Variants in MAOA observed in about 807,000 individuals in gnomAD.
MAOA encodes the protein monoamine oxidase A, also known as amine oxidase [flavin-containing] A.
MAOA carries 6 observed loss-of-function variants against 42.0 expected under a neutral mutation model. The ratio of observed to expected loss-of-function variants is 0.14; its 90% CI spans 0.08 to 0.28. The LOEUF is 0.28. Among genes scored for constraint, MAOA ranks in the 10% least tolerant of loss-of-function variants. The pLI is 1.00. For synonymous variants in MAOA, 140 were observed against 154.0 expected (o/e 0.91, Z 0.67); for missense variants, 262 against 422.3 (o/e 0.62, Z 3.33).
At chrX:43,695,028 C>T (rs945664171) in intron 3 of MAOA, among the ~76,000 whole-genome samples, 5 of 112,119 alleles carry the variant, frequency 4.5e-5, no homozygotes, top group Admixed American at 9.4e-5. Flanking sequence ...CCCCATTTTA[C>T]GTTTGAGAAA....
intron 1 of MAOA, among the ~76,000 whole-genome samples, chrX:43,669,613 C>T (rs2033312306): frequency 9.0e-6 from 1 of 110,764 alleles, no homozygotes; most frequent in African/African-American, 3.3e-5. Context: ...TTGATTAGTA[C>T]TTGCCCAATA....
chrX:43,671,661 G>A (rs1399740288), intron 1 of MAOA, among the ~76,000 whole-genome samples: 5 of 100,020 alleles, frequency 5.0e-5, no homozygotes, highest in East Asian at 3.1e-4. Context: ...TTCTACATAT[G>A]GCTAGCCAGT....
Position 43,746,737 on chromosome X carries a change from T to C in MAOA, c.*2224T>C, listed in dbSNP as rs2034001473. On this transcript the variant is annotated 3_prime_UTR_variant, in exon 15 of 15. Transcript: ENST00000338702. ...AGTGCTACACGTTGGAGTATACCTA[T>C]GTGTGTGCTTTGCCACTGAAGTAAG... The C allele has an allele frequency of 8.9e-6, 1 of 112,118 alleles. No homozygotes were observed. Among genetic ancestry groups the C allele is most frequent in the South Asian group, 3.7e-4 (1 of 2,700 alleles). 9.2% of individuals were successfully genotyped at this position (112,118 alleles called of 1,213,427 possible).
intron 1 of MAOA, among the ~76,000 whole-genome samples, chrX:43,677,935 A>G (rs1306698876): frequency 1.8e-5 from 2 of 111,852 alleles, no homozygotes; most frequent in Non-Finnish European, 3.8e-5. Flanking sequence ...TCTCAAAAAC[A>G]TGGGTGAGAG....
intron 3 of MAOA, among the ~76,000 whole-genome samples, chrX:43,699,980 C>T (rs1468353327): frequency 8.9e-6 from 1 of 112,303 alleles, no homozygotes; most frequent in African/African-American, 3.2e-5. Context: ...CTTTTATCTT[C>T]AAAGAAAGAT....
chrX:43,716,194 A>T (rs1278490685), intron 5 of MAOA, among the ~76,000 whole-genome samples: 2 of 111,718 alleles, frequency 1.8e-5, no homozygotes, highest in Non-Finnish European at 3.8e-5. Flanking sequence ...TGGATGGTGT[A>T]GGAAGATCGT....
chrX:43,683,718 G>A lies in MAOA; in HGVS notation c.168+111G>A, dbSNP rs141373788. 313 of 610,757 alleles carry A rather than the reference G, an allele frequency of 5.1e-4. 2 individuals are homozygous for A. In the African/African-American group the frequency reaches 5.7e-3, roughly 11 times the overall value. The allele number at this position is 610,757 out of a possible 1,213,427, so 50.3% of individuals were successfully genotyped here. A position where few individuals can be genotyped will look rare whatever the true frequency, so the allele number is the denominator to read the frequency against. On this transcript the variant is annotated intron_variant, in intron 2 of 14. Transcript: ENST00000338702. ...TCTTAAGAGTTCATGCAGTTAAGCC[G>A]TTTGTCCTCCATAGCCCTAAAGTAC... is the stretch of plus-strand genomic sequence containing the variant.
At chrX:43,657,831 A>G (rs2033196959) in intron 1 of MAOA, 1 of 616,215 alleles carries the variant, frequency 1.6e-6, no homozygotes, top group Non-Finnish European at 1.9e-6. Context: ...AGATAGCTTT[A>G]TCTGAACCCA....
intron 5 of MAOA, among the ~76,000 whole-genome samples, chrX:43,716,942 G>A (rs1054361799): frequency 1.8e-5 from 2 of 110,883 alleles, no homozygotes; most frequent in Non-Finnish European, 3.8e-5. Flanking sequence ...TGACTCAAAG[G>A]GTTGGGGGAA....
chrX:43,713,175 C>A (rs1244629902), intron 5 of MAOA, among the ~76,000 whole-genome samples: 1 of 112,088 alleles, frequency 8.9e-6, no homozygotes, highest in Non-Finnish European at 1.9e-5. Flanking sequence ...GAAATCATGT[C>A]CTTTTCAGGG....
At chrX:43,718,175 G>A (rs975755923) in intron 5 of MAOA, among the ~76,000 whole-genome samples, 3 of 108,860 alleles carry the variant, frequency 2.8e-5, no homozygotes, top group Non-Finnish European at 5.7e-5. Flanking sequence ...AGAGGCAGGG[G>A]GTGGCAGAAG....
chrX:43,697,049 A>G (rs1190269093), intron 3 of MAOA, among the ~76,000 whole-genome samples: 1 of 112,315 alleles, frequency 8.9e-6, no homozygotes, highest in Non-Finnish European at 1.9e-5. Flanking sequence ...GCCCTGTGCC[A>G]GGGCCTTCAC....
chrX:43,699,370 G>A (rs927231632), intron 3 of MAOA, among the ~76,000 whole-genome samples: 1 of 75,271 alleles, frequency 1.3e-5, no homozygotes, highest in Admixed American at 1.5e-4. Flanking sequence ...TTTTTTTTTT[G>A]CTTTCCATGA....
intron 9 of MAOA, among the ~76,000 whole-genome samples, chrX:43,733,210 C>T (rs889652533): frequency 2.7e-5 from 3 of 112,288 alleles, no homozygotes; most frequent in African/African-American, 9.7e-5. Flanking sequence ...TTTCTCCATT[C>T]CAGATATCTG....
At chrX:43,658,147 G>T (rs969058329) in intron 1 of MAOA, among the ~76,000 whole-genome samples, 4 of 111,657 alleles carry the variant, frequency 3.6e-5, no homozygotes, top group Non-Finnish European at 7.5e-5. Context: ...AAATAAATAT[G>T]ATGACAATGT....
intron 1 of MAOA, among the ~76,000 whole-genome samples, chrX:43,680,165 T>G (rs2033431476): frequency 8.9e-6 from 1 of 111,812 alleles, no homozygotes; most frequent in African/African-American, 3.3e-5. Flanking sequence ...TGCTGGATAT[T>G]ATGGTTTAGA....
intron 1 of MAOA, among the ~76,000 whole-genome samples, chrX:43,668,272 T>C: frequency 8.9e-6 from 1 of 112,663 alleles, no homozygotes; most frequent in Non-Finnish European, 1.9e-5. Context: ...TTACATTTCT[T>C]CTGTAAAAGT....
intron 1 of MAOA, among the ~76,000 whole-genome samples, chrX:43,675,609 A>G (rs2033387714): frequency 8.9e-6 from 1 of 111,978 alleles, no homozygotes; most frequent in South Asian, 3.7e-4. Flanking sequence ...TGATGTACAT[A>G]TGGGTTTTTG....
chrX:43,741,551 T>C (rs1419666863), intron 11 of MAOA, among the ~76,000 whole-genome samples: 4 of 111,732 alleles, frequency 3.6e-5, no homozygotes, highest in Non-Finnish European at 7.5e-5. Context: ...TTAGCAATAA[T>C]GCCTGATAGA....
Sources: gnomAD v4.1 joint callset for allele counts (sites outside exome capture counted in the v4.1 genomes callset) on GRCh38, gnomAD v4.1.1 for gene constraint, MANE v1.5 for transcripts, NCBI Gene and HGNC (gene_info 2026-07-23, HGNC 2026-07-21) for gene names.